The following ABCC12 variants were observed in gnomAD, a reference collection of about 807,000 sequenced individuals.
ABCC12 encodes ATP-binding cassette sub-family C member 12.
ABCC12 carries 142 observed loss-of-function variants against 151.1 expected under a neutral mutation model. The ratio of observed to expected loss-of-function variants is 0.94; its 90% CI spans 0.82 to 1.08. The LOEUF is 1.08. ABCC12 is among the 50% of genes least tolerant of loss of function. The probability of loss-of-function intolerance (pLI) is 0.00; values close to 1 mark genes in which losing one functional copy is unlikely to be tolerated. For missense variants in ABCC12, 1,638 were observed against 1,691.1 expected, an observed-to-expected ratio of 0.97 and a Z score of 0.55; for synonymous variants, 645 against 646.4, an observed-to-expected ratio of 1.00 and a Z score of 0.03.
intron 1 of ABCC12, among the ~76,000 whole-genome samples, chr16:48,154,246 G>A (rs980531302): frequency 1.3e-5 from 2 of 152,296 alleles, no homozygotes; most frequent in East Asian, 3.9e-4. Context: ...AAGCAGGAAG[G>A]CCTCTGTTTA....
chr16:48,129,466 A>G (rs1964350427), intron 10 of ABCC12, among the ~76,000 whole-genome samples: 1 of 152,190 alleles, frequency 6.6e-6, no homozygotes, highest in African/African-American at 2.4e-5. Context: ...GAGCATGCAA[A>G]GCCATGGTTT....
chr16:48,136,392 C>T (rs780467427), intron 8 of ABCC12, among the ~76,000 whole-genome samples: 1 of 152,162 alleles, frequency 6.6e-6, no homozygotes, highest in Non-Finnish European at 1.5e-5. Flanking sequence ...TGTGCTCCCC[C>T]ATGGAGCATC....
At chr16:48,141,566 T>A (rs1008347003) in intron 4 of ABCC12, among the ~76,000 whole-genome samples, 1 of 152,204 alleles carries the variant, frequency 6.6e-6, no homozygotes, top group East Asian at 1.9e-4. Context: ...GGTATGCCTG[T>A]GACATCTGGG....
chr16:48,149,242 ACC>A (rs1345830645), intron 2 of ABCC12, among the ~76,000 whole-genome samples: 2 of 144,820 alleles, frequency 1.4e-5, no homozygotes, highest in Non-Finnish European at 3.0e-5. Context: ...TAGTAGATTA[ACC>A]AAAAAAAAAA....
At chr16:48,126,856 A>G (rs1964255051) in intron 11 of ABCC12, among the ~76,000 whole-genome samples, 1 of 152,232 alleles carries the variant, frequency 6.6e-6, no homozygotes, top group South Asian at 2.1e-4. Context: ...TGAGGCAGGA[A>G]TTCCAGAGTC....
Position 48,133,716 on chromosome 16 carries a change from G to A in ABCC12, c.1099C>T (p.Leu367Phe), listed in dbSNP as rs1335461226. 3.1e-6 allele frequency: 5 copies of A among 1,614,026 alleles called. No individual in the cohort carries two copies. Among genetic ancestry groups the A allele is most frequent in the Non-Finnish European group, 4.2e-6 (5 of 1,180,042 alleles). Residue 367 changes from leucine (L) to phenylalanine (F), a missense_variant, in exon 9 of 31, where the codon CTC (leucine) becomes TTC (phenylalanine). Leu to Phe is a conservative substitution (Grantham distance 22, BLOSUM62 0). Transcript: ENST00000311303. ...GGTGCGGTGAGTTTGCGTCTCAGGAGGATGTGGCAGGATAATGTCAGCACG... is the reference window on the plus strand; with the variant it reads ...GGTGCGGTGAGTTTGCGTCTCAGGAAGATGTGGCAGGATAATGTCAGCACG... ...AIVLTLSCHI[L>F]LRRKLTAPVA...
chr16:48,143,862 A>AGCAGTATGAAAATGGACTAAT, intron 4 of ABCC12, 48 bp downstream of exon 4: 1 of 1,574,428 alleles, frequency 6.4e-7, no homozygotes, highest in Non-Finnish European at 8.6e-7. Context: ...ATTTCCTCAT[A>AGCAGTATGAAAATGGACTAAT]GCAGTATGAA....
intron 19 of ABCC12, 95 bp from the exon 20 acceptor site, chr16:48,107,520 A>G: frequency 2.8e-6 from 3 of 1,089,820 alleles, no homozygotes; most frequent in Non-Finnish European, 4.2e-6. Context: ...GGAAATTCAA[A>G]ACCTGCAGGA....
rs1442548484 is a variant in ABCC12 at position 48,121,772 on chromosome 16, G to A, written c.1656C>T (p.Ile552=). The A allele has an allele frequency of 6.2e-7, 1 of 1,614,148 alleles. No homozygotes were observed. Among genetic ancestry groups the A allele is most frequent in the Non-Finnish European group, 8.5e-7 (1 of 1,180,022 alleles). ...TGTTTTCTCTCACATTTCCATGAAAGATCCATGCCTGCTGTGAAACGTAGG... is the reference window on the plus strand; with the variant it reads ...TGTTTTCTCTCACATTTCCATGAAAAATCCATGCCTGCTGTGAAACGTAGG... The part of the protein sequence containing the change: ...TLAYVSQQAW[I]FHGNVRENIL... Residue 552 remains isoleucine (I), a synonymous_variant, in exon 13 of 31, where the codon ATC becomes ATT. Transcript: ENST00000311303.
chr16:48,147,822 CA>C (rs1379201495), intron 2 of ABCC12, among the ~76,000 whole-genome samples: 5 of 152,182 alleles, frequency 3.3e-5, no homozygotes, highest in Non-Finnish European at 5.9e-5. Flanking sequence ...GTCTTCATCT[CA>C]AAAAGATAAA....
rs1247509867 is a variant in ABCC12, at chr16:48,084,089, C to T, written c.3829-16G>A. The T allele has an allele frequency of 1.9e-6, 3 of 1,594,024 alleles. No homozygotes were observed. The highest frequency in any genetic ancestry group is 1.8e-5 in the Admixed American group (1 of 54,992). Reference sequence around the variant, plus strand: ...GGAGAATGATCTGTGGAGGAGGAAACATTATAAGCCAAAGGCGCACTGAGA... The same window carrying T: ...GGAGAATGATCTGTGGAGGAGGAAATATTATAAGCCAAAGGCGCACTGAGA... On this transcript the variant is annotated splice_polypyrimidine_tract_variant and intron_variant, in intron 29 of 30. Transcript: ENST00000311303.
intron 11 of ABCC12, among the ~76,000 whole-genome samples, chr16:48,125,790 G>A (rs374108765): frequency 6.6e-6 from 1 of 152,198 alleles, no homozygotes; most frequent in Non-Finnish European, 1.5e-5. Context: ...CAGCACATGA[G>A]AGTCGCTGCC....
At chr16:48,123,056 C>T (rs1597316378) in intron 12 of ABCC12, among the ~76,000 whole-genome samples, 1 of 152,330 alleles carries the variant, frequency 6.6e-6, no homozygotes, top group Non-Finnish European at 1.5e-5. Flanking sequence ...GGGGCCTGAT[C>T]CCACCACTGT....
chr16:48,098,801 A>G (rs1310695009), intron 23 of ABCC12, among the ~76,000 whole-genome samples: 1 of 152,232 alleles, frequency 6.6e-6, no homozygotes, highest in Non-Finnish European at 1.5e-5. Flanking sequence ...AACTATTAAA[A>G]GAAGGGAACC....
chr16:48,148,122 A>C (rs1335504024), intron 2 of ABCC12, among the ~76,000 whole-genome samples: 2 of 151,582 alleles, frequency 1.3e-5, no homozygotes, highest in African/African-American at 4.9e-5. Flanking sequence ...TAATTTTTGT[A>C]TTTTTAGTAG....
intron 27 of ABCC12, 141 bp from the exon 28 acceptor site, chr16:48,086,960 C>T: frequency 1.4e-6 from 1 of 727,492 alleles, no homozygotes; most frequent in Non-Finnish European, 2.4e-6. Flanking sequence ...GTGCTCAGTA[C>T]AGGACAGTGG....
intron 24 of ABCC12, 137 bp downstream of exon 24, chr16:48,096,609 A>T: frequency 1.1e-6 from 1 of 885,768 alleles, no homozygotes; most frequent in South Asian, 1.6e-5. Context: ...CTTTTTAATG[A>T]TGTGAGCCAC....
chr16:48,141,314 A>G lies in ABCC12; in HGVS notation c.315T>C (p.Gly105=). ...CGTGGCTCAGAGAGGCCTTCTCAGG[A>G]CCCACCCTTGCTACCTCTTCATCCC... ...VLWDEEVARV[G]PEKASLSHVV... is the part of the protein sequence containing the mutation. Residue 105 remains glycine (G), a synonymous_variant, in exon 5 of 31, where the codon GGT becomes GGC. Coordinates refer to ENST00000311303, the MANE Select transcript of ABCC12 (RefSeq NM_001393797.1). The G allele has an allele frequency of 6.2e-7, 1 of 1,614,176 alleles. No homozygotes were observed. Among genetic ancestry groups the G allele is most frequent in the Non-Finnish European group, 8.5e-7 (1 of 1,180,036 alleles).
chr16:48,130,134 G>A (rs898891877), intron 10 of ABCC12, among the ~76,000 whole-genome samples: 7 of 152,132 alleles, frequency 4.6e-5, no homozygotes, highest in African/African-American at 9.7e-5. Flanking sequence ...ACAAGCTTTC[G>A]TGTTGACACA....
Sources: allele counts gnomAD v4.1 joint callset (sites outside exome capture counted in the v4.1 genomes callset), GRCh38; gene constraint gnomAD v4.1.1; transcripts MANE v1.5; gene names NCBI Gene and HGNC (gene_info 2026-07-23, HGNC 2026-07-21).